The following DLC1 variants were observed in gnomAD, a reference collection of about 807,000 sequenced individuals.
DLC1 encodes DLC1 Rho GTPase activating protein.
In DLC1, 54 loss-of-function variants were observed where a neutral mutation model predicts 140.3. The observed-to-expected ratio is 0.38, with a 90% CI of 0.31 to 0.48. DLC1 has a LOEUF of 0.48. Ranked by LOEUF, DLC1 falls within the 20% of genes least tolerant of loss-of-function variation. The pLI, the probability that DLC1 is intolerant of heterozygous loss-of-function variation, is 0.96. For synonymous variants in DLC1, 986 were observed against 728.1 expected (o/e 1.35, Z -5.70); for missense variants, 2,536 against 1,907.0 (o/e 1.33, Z -6.14).
At chr8:13,495,213 T>C (rs2117181734) in intron 2 of DLC1, among the ~76,000 whole-genome samples, 1 of 152,340 alleles carries the variant, frequency 6.6e-6, no homozygotes, top group African/African-American at 2.4e-5. Flanking sequence ...ATTTAAGTAG[T>C]CTTTACAGAA....
At chr8:13,210,704 T>A (rs1827895032) in intron 5 of DLC1, among the ~76,000 whole-genome samples, 1 of 152,212 alleles carries the variant, frequency 6.6e-6, no homozygotes, top group Admixed American at 6.5e-5. Context: ...GGTAGTTCAA[T>A]AGAACCGCTT....
At chr8:13,234,164 C>G (rs755597869) in intron 5 of DLC1, among the ~76,000 whole-genome samples, 36 of 152,144 alleles carry the variant, frequency 2.4e-4, no homozygotes, top group Non-Finnish European at 5.0e-4. Flanking sequence ...AAAGCTGTTA[C>G]CTTTTTAAAA....
intron 4 of DLC1, among the ~76,000 whole-genome samples, chr8:13,307,392 C>G (rs897664889): frequency 3.3e-5 from 5 of 152,142 alleles, no homozygotes; most frequent in Admixed American, 3.3e-4. Flanking sequence ...TTCTCTGATT[C>G]AATACTAGAG....
intron 5 of DLC1, among the ~76,000 whole-genome samples, chr8:13,237,326 G>A (rs1248949398): frequency 1.4e-5 from 2 of 145,866 alleles, no homozygotes; most frequent in South Asian, 2.1e-4. Context: ...ATCAGCTTCT[G>A]TGTATATATA....
intron 5 of DLC1, among the ~76,000 whole-genome samples, chr8:13,263,225 G>C (rs1361725988): frequency 6.6e-6 from 1 of 152,120 alleles, no homozygotes; most frequent in Non-Finnish European, 1.5e-5. Flanking sequence ...AGGAAATATT[G>C]TGTTAGGTAT....
intron 5 of DLC1, among the ~76,000 whole-genome samples, chr8:13,272,974 T>C (rs1001666810): frequency 6.6e-6 from 1 of 152,246 alleles, no homozygotes; most frequent in African/African-American, 2.4e-5. Flanking sequence ...ATTCACGGTA[T>C]ACTAGTACAT....
At chr8:13,120,853 T>G (rs1045248000) in intron 5 of DLC1, among the ~76,000 whole-genome samples, 5 of 152,094 alleles carry the variant, frequency 3.3e-5, no homozygotes, top group African/African-American at 9.7e-5. Context: ...GACGGGATGA[T>G]CCTGTCTTCC....
chr8:13,496,948 C>T (rs1175174367), intron 2 of DLC1, among the ~76,000 whole-genome samples: 3 of 151,732 alleles, frequency 2.0e-5, no homozygotes, highest in Non-Finnish European at 4.4e-5. Flanking sequence ...CTATAGGCGC[C>T]TGCCACCATG....
chr8:13,302,856 A>G (rs1832257690), intron 5 of DLC1, among the ~76,000 whole-genome samples: 1 of 152,192 alleles, frequency 6.6e-6, no homozygotes, highest in Non-Finnish European at 1.5e-5. Context: ...GAGATTCATA[A>G]AGACATGAAA....
chr8:13,323,941 G>A lies in DLC1; in HGVS notation c.1315-18639C>T, dbSNP rs545398110. Among the ~76,000 whole-genome samples the A allele has an allele frequency of 6.6e-5, 10 of 152,284 alleles. No homozygotes were observed. In the South Asian group the frequency reaches 2.1e-3, roughly 32 times the overall value. On this transcript the variant is annotated intron_variant, in intron 4 of 17. Coordinates refer to ENST00000276297, the MANE Select transcript of DLC1 (RefSeq NM_182643.3). The stretch of plus-strand genomic sequence containing the variant: ...TTAGTGTAAATCAATTCAGCAAAGT[G>A]GTTTACGAATTACGTGAGACAGTTA...
chr8:13,413,207 C>T (rs1340878944), intron 2 of DLC1, among the ~76,000 whole-genome samples: 3 of 147,332 alleles, frequency 2.0e-5, no homozygotes, highest in Non-Finnish European at 4.5e-5. Flanking sequence ...TGAATATGGC[C>T]CAACACAAAT....
intron 7 of DLC1, among the ~76,000 whole-genome samples, chr8:13,108,608 C>A (rs1308285491): frequency 6.6e-6 from 1 of 152,084 alleles, no homozygotes; most frequent in African/African-American, 2.4e-5. Flanking sequence ...TAATCATGAC[C>A]CTTTGGCCTG....
In DLC1 at chr8:13,393,610, G is replaced by A; in HGVS notation, c.1257C>T (p.Ser419=). The A allele has an allele frequency of 1.2e-6, 2 of 1,614,074 alleles. No homozygotes were observed. Among genetic ancestry groups the A allele is most frequent in the Non-Finnish European group, 1.7e-6 (2 of 1,180,020 alleles). ...TRVNLSSDTE[S]TDLPSSTPVA... ...CTGGAGTGGAAGATGGGAGGTCCGT[G>A]GACTCAGTGTCAGAAGACAAATTTA... The change falls in exon 4 of 18, where the codon TCC becomes TCT. Residue 419 remains serine, a synonymous_variant. Coordinates refer to ENST00000276297, the MANE Select transcript of DLC1 (RefSeq NM_182643.3).
intron 2 of DLC1, among the ~76,000 whole-genome samples, chr8:13,475,926 G>C (rs990228730): frequency 2.0e-5 from 3 of 152,154 alleles, no homozygotes; most frequent in African/African-American, 7.2e-5. Context: ...ATTTTCTGCA[G>C]TTCCCACATA....
At chr8:13,567,721 A>G in intron 1 of DLC1, 2 of 1,552,098 alleles carry the variant, frequency 1.3e-6, no homozygotes, top group South Asian at 1.2e-5. Context: ...TCTCACCCGT[A>G]TTGGAGAAGC....
chr8:13,374,128 A>G (rs1027024204), intron 4 of DLC1, among the ~76,000 whole-genome samples: 3 of 152,214 alleles, frequency 2.0e-5, no homozygotes, highest in Admixed American at 6.5e-5. Flanking sequence ...TATTTAATGT[A>G]TAATTTTTGA....
chr8:13,254,804 G>T (rs1347086831), intron 5 of DLC1, among the ~76,000 whole-genome samples: 1 of 152,080 alleles, frequency 6.6e-6, no homozygotes, highest in East Asian at 1.9e-4. Context: ...TGTGTGATAT[G>T]ATTAAAAATC....
At chr8:13,502,705 C>T (rs7000498) in intron 1 of DLC1, among the ~76,000 whole-genome samples, 19,310 of 152,098 alleles carry the variant, frequency 0.13, 2,269 homozygotes, top group East Asian at 0.38. Flanking sequence ...CTCACTGGGC[C>T]GCCTTATTTA....
At chr8:13,348,280 C>T (rs1447679372) in intron 4 of DLC1, among the ~76,000 whole-genome samples, 1 of 152,090 alleles carries the variant, frequency 6.6e-6, no homozygotes, top group Non-Finnish European at 1.5e-5. Flanking sequence ...TGAGAAGTTC[C>T]ATGTTGCTGG....
Sources: allele counts gnomAD v4.1 joint callset (sites outside exome capture counted in the v4.1 genomes callset), GRCh38; gene constraint gnomAD v4.1.1; transcripts MANE v1.5; gene names NCBI Gene and HGNC (gene_info 2026-07-23, HGNC 2026-07-21).